Variants in VWC2 observed in about 807,000 individuals in gnomAD.
VWC2 encodes von Willebrand factor C domain containing 2, also known as brorin.
A neutral mutation model predicts 29.8 loss-of-function variants in VWC2; 14 were observed. The ratio of observed to expected loss-of-function variants is 0.47; its 90% confidence interval spans 0.31 to 0.74. The LOEUF (loss-of-function observed/expected upper bound fraction) is 0.74, where lower values mean the gene tolerates loss of function less well. Ranked by LOEUF, VWC2 falls within the 30% of genes least tolerant of loss-of-function variation. VWC2 has a pLI of 0.05. For synonymous variants in VWC2, 213 were observed against 199.0 expected (o/e 1.07, Z -0.59); for missense variants, 457 against 459.8 (o/e 0.99, Z 0.05).
intron 2 of VWC2, among the ~76,000 whole-genome samples, chr7:49,783,279 G>A (rs1296635718): frequency 6.6e-6 from 1 of 152,124 alleles, no homozygotes; most frequent in Non-Finnish European, 1.5e-5. Flanking sequence ...ACAGGCAGCA[G>A]TAGTGTGGTG....
intron 3 of VWC2, among the ~76,000 whole-genome samples, chr7:49,844,319 T>C (rs1190096777): frequency 6.6e-6 from 1 of 152,198 alleles, no homozygotes; most frequent in African/African-American, 2.4e-5. Context: ...AGTATTTACA[T>C]TTGGAAATGT....
chr7:49,775,397 G>A lies in VWC2; in HGVS notation c.-39G>A. The A allele has an allele frequency of 7.7e-7, 1 of 1,292,074 alleles. No homozygotes were observed. Among genetic ancestry groups the A allele is most frequent in the Non-Finnish European group, 9.8e-7 (1 of 1,017,466 alleles). The allele number at this position is 1,292,074 out of a possible 1,614,324, so 80.0% of individuals were successfully genotyped here. ...TGTGAATGCGACTCGCCCCTCGGCCGCGCTCCCCGCCCGCCCGCCCGCCGG... is the reference window on the plus strand; with the variant it reads ...TGTGAATGCGACTCGCCCCTCGGCCACGCTCCCCGCCCGCCCGCCCGCCGG... On this transcript the variant is annotated 5_prime_UTR_variant, in exon 2 of 4. Transcript: ENST00000340652.
intron 3 of VWC2, among the ~76,000 whole-genome samples, chr7:49,844,656 G>A (rs988509233): frequency 6.6e-6 from 1 of 152,100 alleles, no homozygotes; most frequent in Admixed American, 6.5e-5. Context: ...CTGACACGTA[G>A]CAGCCACATT....
intron 3 of VWC2, among the ~76,000 whole-genome samples, chr7:49,833,726 G>T (rs1447290462): frequency 6.6e-6 from 1 of 152,124 alleles, no homozygotes; most frequent in Non-Finnish European, 1.5e-5. Context: ...GAACATTGCT[G>T]CAGGGAATCA....
chr7:49,840,307 G>A (rs978944296), intron 3 of VWC2, among the ~76,000 whole-genome samples: 5 of 152,318 alleles, frequency 3.3e-5, no homozygotes, highest in Middle Eastern at 3.4e-3. Flanking sequence ...GGAGGGGCAC[G>A]GAGTATAGGA....
intron 3 of VWC2, among the ~76,000 whole-genome samples, chr7:49,861,544 G>T (rs1583699054): frequency 6.6e-6 from 1 of 152,076 alleles, no homozygotes; most frequent in African/African-American, 2.4e-5. Context: ...ATGTTTTGGT[G>T]TCATTTCTAA....
chr7:49,851,295 A>T (rs771218653), intron 3 of VWC2, among the ~76,000 whole-genome samples: 1 of 152,008 alleles, frequency 6.6e-6, no homozygotes, highest in South Asian at 2.1e-4. Flanking sequence ...GACCCTTCTT[A>T]ATTACATTTG....
intron 3 of VWC2, among the ~76,000 whole-genome samples, chr7:49,826,660 A>G (rs1789399294): frequency 6.6e-6 from 1 of 152,228 alleles, no homozygotes; most frequent in Non-Finnish European, 1.5e-5. Context: ...CTACATGTCA[A>G]AACCAGTAAT....
At chr7:49,875,393 A>AAAAAAAC (rs1791368537) in intron 3 of VWC2, among the ~76,000 whole-genome samples, 1 of 150,366 alleles carries the variant, frequency 6.7e-6, no homozygotes, top group African/African-American at 2.4e-5. Context: ...AAAAAAAAAA[A>AAAAAAAC]AAAACAGGAA....
At chr7:49,873,812 T>C (rs1302953894) in intron 3 of VWC2, among the ~76,000 whole-genome samples, 1 of 151,310 alleles carries the variant, frequency 6.6e-6, no homozygotes, top group Non-Finnish European at 1.5e-5. Context: ...AAGAGAAAAA[T>C]GGATTAATTA....
chr7:49,834,730 T>A (rs1789617340), intron 3 of VWC2, among the ~76,000 whole-genome samples: 1 of 152,130 alleles, frequency 6.6e-6, no homozygotes. Flanking sequence ...CAGAGTAATA[T>A]CAGACAGGCA....
intron 2 of VWC2, among the ~76,000 whole-genome samples, chr7:49,796,864 A>T (rs10237193): frequency 1.3e-5 from 2 of 152,030 alleles, no homozygotes; most frequent in Non-Finnish European, 2.9e-5. Flanking sequence ...CTCATATAGG[A>T]GTGTGAATCC....
intron 2 of VWC2, among the ~76,000 whole-genome samples, chr7:49,791,713 C>T (rs556157827): frequency 4.7e-4 from 71 of 152,314 alleles, no homozygotes; most frequent in Non-Finnish European, 8.2e-4. Context: ...TTGGCTTTGC[C>T]CTCATTCCAT....
At chr7:49,819,860 G>T (rs1330700885) in intron 3 of VWC2, among the ~76,000 whole-genome samples, 1 of 152,136 alleles carries the variant, frequency 6.6e-6, no homozygotes, top group African/African-American at 2.4e-5. Flanking sequence ...CCCTGGTAGA[G>T]GGGGACAAGT....
intron 3 of VWC2, among the ~76,000 whole-genome samples, chr7:49,861,326 A>C (rs1790645832): frequency 6.6e-6 from 1 of 152,108 alleles, no homozygotes; most frequent in Admixed American, 6.6e-5. Context: ...TGTTCAACTC[A>C]TTTTATTGAG....
At chr7:49,890,012 TGA>T (rs1400062467) in intron 3 of VWC2, among the ~76,000 whole-genome samples, 1 of 152,228 alleles carries the variant, frequency 6.6e-6, no homozygotes, top group African/African-American at 2.4e-5. Context: ...TTTTCCCATC[TGA>T]GTGTTGAAGT....
At chr7:49,881,561 G>A (rs1791665419) in intron 3 of VWC2, among the ~76,000 whole-genome samples, 1 of 152,136 alleles carries the variant, frequency 6.6e-6, no homozygotes, top group Non-Finnish European at 1.5e-5. Flanking sequence ...CAAGATATGT[G>A]TTATTAGCCC....
intron 3 of VWC2, among the ~76,000 whole-genome samples, chr7:49,876,645 T>C (rs900649): frequency 0.71 from 107,487 of 152,002 alleles, 38,483 homozygotes; most frequent in East Asian, 0.88. Flanking sequence ...AGAATTGCCT[T>C]GTTGTTTTTT....
At chr7:49,904,961 C>G (rs930513653) in intron 3 of VWC2, among the ~76,000 whole-genome samples, 1 of 151,996 alleles carries the variant, frequency 6.6e-6, no homozygotes, top group African/African-American at 2.4e-5. Context: ...GTCTTGAACT[C>G]CTGACCTCAT....
Sources: gnomAD v4.1 joint callset for allele counts (sites outside exome capture counted in the v4.1 genomes callset) on GRCh38, gnomAD v4.1.1 for gene constraint, MANE v1.5 for transcripts, NCBI Gene and HGNC (gene_info 2026-07-23, HGNC 2026-07-21) for gene names.